The following DHRSX variants were observed in gnomAD, a reference collection of about 807,000 sequenced individuals.
DHRSX encodes polyprenol dehydrogenase.
In DHRSX, 31 loss-of-function variants were observed where a neutral mutation model predicts 34.0. That is an observed-to-expected ratio of 0.91 (90% CI 0.69 to 1.23). The LOEUF is 1.23. Among genes scored for constraint, DHRSX ranks in the 50% most tolerant of loss-of-function variants. The pLI is 0.00. For missense variants in DHRSX, 414 were observed against 428.1 expected (o/e 0.97, Z 0.29); for synonymous variants, 201 against 183.8 (o/e 1.09, Z -0.76).
At chrX:2,460,709 G>A (rs1211293266) in intron 1 of DHRSX, among the ~76,000 whole-genome samples, 7 of 151,308 alleles carry the variant, frequency 4.6e-5, no homozygotes, top group African/African-American at 1.2e-4. Context: ...TCAGCCTCCT[G>A]TGTAACTGGG....
intron 3 of DHRSX, among the ~76,000 whole-genome samples, chrX:2,311,240 G>C (rs951528572): frequency 2.0e-5 from 3 of 152,012 alleles, no homozygotes; most frequent in Non-Finnish European, 4.4e-5. Flanking sequence ...GAAAGAGAGA[G>C]AGACATACAG....
At chrX:2,491,516 G>A (rs1489714514) in intron 1 of DHRSX, among the ~76,000 whole-genome samples, 1 of 152,118 alleles carries the variant, frequency 6.6e-6, no homozygotes, top group African/African-American at 2.4e-5. Flanking sequence ...ACCCCCCACT[G>A]CCAACCATCA....
chrX:2,365,788 G>A (rs1347371370), intron 3 of DHRSX, among the ~76,000 whole-genome samples: 3 of 152,030 alleles, frequency 2.0e-5, no homozygotes, highest in African/African-American at 7.2e-5. Flanking sequence ...TGAACACCGG[G>A]GCCTGTCGGG....
At chrX:2,243,817 T>G (rs1569478918) in intron 5 of DHRSX, among the ~76,000 whole-genome samples, 4 of 110,084 alleles carry the variant, frequency 3.6e-5, no homozygotes, top group African/African-American at 1.4e-4. Flanking sequence ...TTTTTTTTTT[T>G]TTTTTGAGAC....
intron 3 of DHRSX, among the ~76,000 whole-genome samples, chrX:2,407,313 T>C (rs1176291817): frequency 2.0e-5 from 3 of 152,120 alleles, no homozygotes. Flanking sequence ...TCACAGACAC[T>C]GAGGAGGGTG....
chrX:2,271,062 C>G (rs769187581), intron 4 of DHRSX, among the ~76,000 whole-genome samples: 1 of 152,324 alleles, frequency 6.6e-6, no homozygotes, highest in African/African-American at 2.4e-5. Flanking sequence ...GTTGTGGAAA[C>G]TTTGTTGTTT....
intron 3 of DHRSX, among the ~76,000 whole-genome samples, chrX:2,326,323 G>T (rs1228515349): frequency 1.3e-5 from 2 of 152,124 alleles, no homozygotes; most frequent in African/African-American, 2.4e-5. Context: ...AGGAGTTCGA[G>T]ACCAGCCTGG....
At chrX:2,450,232 G>T (rs4892906) in intron 1 of DHRSX, among the ~76,000 whole-genome samples, 4 of 151,830 alleles carry the variant, frequency 2.6e-5, no homozygotes, top group Non-Finnish European at 5.9e-5. Context: ...CACTTGTCAA[G>T]AACAGTGTTT....
At chrX:2,372,436 T>C (rs186133632) in intron 3 of DHRSX, among the ~76,000 whole-genome samples, 12 of 152,094 alleles carry the variant, frequency 7.9e-5, no homozygotes, top group Non-Finnish European at 1.5e-4. Flanking sequence ...TTGTGTCAAA[T>C]TGGAACCGAA....
chrX:2,251,675 G>A (rs976681267), intron 5 of DHRSX, among the ~76,000 whole-genome samples: 1 of 152,076 alleles, frequency 6.6e-6, no homozygotes, highest in Non-Finnish European at 1.5e-5. Context: ...AAAAAAAATG[G>A]CCTTGCTGAG....
chrX:2,316,449 G>A (rs1032966577), intron 3 of DHRSX, among the ~76,000 whole-genome samples: 1 of 152,126 alleles, frequency 6.6e-6, no homozygotes, highest in Non-Finnish European at 1.5e-5. Context: ...CTACTTGGGA[G>A]GCTGGGGCAG....
intron 1 of DHRSX, among the ~76,000 whole-genome samples, chrX:2,457,374 C>T (rs1439511607): frequency 2.0e-5 from 3 of 151,752 alleles, no homozygotes; most frequent in Non-Finnish European, 4.4e-5. Flanking sequence ...ACACTGAAGA[C>T]GTTCCCTAAG....
chrX:2,324,973 G>A (rs2042361378), intron 3 of DHRSX, among the ~76,000 whole-genome samples: 1 of 149,612 alleles, frequency 6.7e-6, no homozygotes, highest in Non-Finnish European at 1.5e-5. Context: ...TAGAGACGCG[G>A]TTTCACTGGT....
At chrX:2,352,040 T>C (rs1469955360) in intron 3 of DHRSX, among the ~76,000 whole-genome samples, 2 of 152,030 alleles carry the variant, frequency 1.3e-5, no homozygotes, top group Admixed American at 6.6e-5. Context: ...GTTGTTTCAA[T>C]AAACAGCTGT....
At chrX:2,403,072 G>A (rs1195187501) in intron 3 of DHRSX, among the ~76,000 whole-genome samples, 1 of 151,828 alleles carries the variant, frequency 6.6e-6, no homozygotes, top group South Asian at 2.1e-4. Flanking sequence ...TAGTAGAGAC[G>A]GGGTTTCACC....
chrX:2,245,380 C>T (rs1206928544), intron 5 of DHRSX, among the ~76,000 whole-genome samples: 1 of 151,944 alleles, frequency 6.6e-6, no homozygotes, highest in Non-Finnish European at 1.5e-5. Context: ...ACAATCTTGG[C>T]TCACTGCAAC....
At chrX:2,238,026 C>T (rs1299626186) in intron 6 of DHRSX, among the ~76,000 whole-genome samples, 2 of 152,054 alleles carry the variant, frequency 1.3e-5, no homozygotes, top group Non-Finnish European at 2.9e-5. Context: ...CATGTCTCAG[C>T]ATGAAGAATG....
At chrX:2,225,681 G>A (rs765006598) in intron 6 of DHRSX, among the ~76,000 whole-genome samples, 1 of 149,488 alleles carries the variant, frequency 6.7e-6, no homozygotes, top group East Asian at 2.0e-4. Context: ...ACTAAGACAT[G>A]TCATAAGAAA....
intron 2 of DHRSX, among the ~76,000 whole-genome samples, chrX:2,423,601 T>G (rs1287657369): frequency 2.6e-5 from 4 of 151,982 alleles, no homozygotes; most frequent in Non-Finnish European, 5.9e-5. Context: ...TGAAAATAAT[T>G]AATTAAATGC....
Sources: gnomAD v4.1 joint callset for allele counts (sites outside exome capture counted in the v4.1 genomes callset) on GRCh38, gnomAD v4.1.1 for gene constraint, MANE v1.5 for transcripts, NCBI Gene and HGNC (gene_info 2026-07-23, HGNC 2026-07-21) for gene names.